The following RNF24 variants were observed in gnomAD, a reference collection of about 807,000 sequenced individuals.
RNF24 encodes ring finger protein 24.
In RNF24, 14 loss-of-function variants were observed where a neutral mutation model predicts 20.0. The observed-to-expected ratio is 0.70, with a 90% confidence interval of 0.46 to 1.10. The LOEUF is 1.10. Among genes scored for constraint, RNF24 ranks in the 50% least tolerant of loss-of-function variants. The probability of loss-of-function intolerance (pLI) is 0.00; values close to 1 mark genes in which losing one functional copy is unlikely to be tolerated. For synonymous variants in RNF24, 45 were observed against 61.1 expected (o/e 0.74, Z 1.23); for missense variants, 124 against 177.6 (o/e 0.70, Z 1.71).
At chr20:3,963,187 T>C (rs2091221428) in intron 2 of RNF24, among the ~76,000 whole-genome samples, 1 of 152,108 alleles carries the variant, frequency 6.6e-6, no homozygotes, top group South Asian at 2.1e-4. Flanking sequence ...GCATCCCCTA[T>C]GTTTCTTTAT....
At position 3,928,048 on chromosome 20, in the gene RNF24, A is replaced by G. The variant is rs565461618; in HGVS notation, c.*6015T>C. 69 of 152,242 alleles carry G rather than the reference A, an allele frequency of 4.5e-4. No homozygotes were observed. Among genetic ancestry groups the G allele is most frequent in the African/African-American group, 1.5e-3 (63 of 41,556 alleles). 9.4% of individuals were successfully genotyped at this position (152,242 alleles called of 1,614,324 possible). On this transcript the variant is annotated 3_prime_UTR_variant, in exon 6 of 6. Transcript: ENST00000358395. ...CAAATGGAAGCACACTCCCCAGCAC[A>G]TGGGGATCCCTTATTAATCTTTACT...
chr20:3,952,406 G>A (rs1436580258), intron 2 of RNF24, among the ~76,000 whole-genome samples: 1 of 151,858 alleles, frequency 6.6e-6, no homozygotes, highest in South Asian at 2.1e-4. Context: ...AGTAATTTTT[G>A]TATATTGATC....
chr20:3,939,242 C>A (rs1017403771), intron 4 of RNF24, among the ~76,000 whole-genome samples: 2 of 152,332 alleles, frequency 1.3e-5, no homozygotes, highest in African/African-American at 4.8e-5. Context: ...GAGCTTCCCC[C>A]TCAGCCCCCT....
chr20:3,937,913 T>C (rs1004361604), intron 4 of RNF24, among the ~76,000 whole-genome samples: 1 of 152,224 alleles, frequency 6.6e-6, no homozygotes. Flanking sequence ...AATACTGCTA[T>C]AAACACTGGT....
At chr20:3,960,671 C>A (rs1010405699) in intron 2 of RNF24, among the ~76,000 whole-genome samples, 4 of 151,784 alleles carry the variant, frequency 2.6e-5, no homozygotes, top group African/African-American at 9.7e-5. Flanking sequence ...TATCTCAAAA[C>A]AAAACAAAAC....
chr20:3,994,273 T>A (rs1245809163), intron 1 of RNF24, among the ~76,000 whole-genome samples: 1 of 152,096 alleles, frequency 6.6e-6, no homozygotes, highest in East Asian at 1.9e-4. Context: ...AGAAAATCAC[T>A]CTTTAAATAA....
At chr20:3,958,772 G>C (rs1000632055) in intron 2 of RNF24, among the ~76,000 whole-genome samples, 2 of 152,190 alleles carry the variant, frequency 1.3e-5, no homozygotes, top group Non-Finnish European at 2.9e-5. Context: ...CTCCTGAGTA[G>C]CTGGGATTAC....
At position 3,966,418 on chromosome 20, in the gene RNF24, C is replaced by T. The variant is rs952171518; in HGVS notation, c.-7-2394G>A. Among the ~76,000 whole-genome samples the T allele has an allele frequency of 1.0e-4, 15 of 147,410 alleles. 1 individual carries two copies. The East Asian group carries it at 2.8e-3, about 27-fold the overall frequency. On this transcript the variant is annotated intron_variant, in intron 1 of 5. Coordinates refer to ENST00000358395, the MANE Select transcript of RNF24 (RefSeq NM_001134337.3). ...TTCCTGAAAGGATAAAATGAGATAG[C>T]AGATAATGAAGTGTCTGAAAACTCA...
intron 1 of RNF24, among the ~76,000 whole-genome samples, chr20:3,984,778 A>G (rs1979736351): frequency 6.6e-6 from 1 of 151,912 alleles, no homozygotes; most frequent in Admixed American, 6.6e-5. Context: ...TTCAGAGGAT[A>G]ACTCTTCTTT....
At chr20:3,954,146 G>A (rs1253606442) in intron 2 of RNF24, among the ~76,000 whole-genome samples, 3 of 152,084 alleles carry the variant, frequency 2.0e-5, no homozygotes, top group Non-Finnish European at 2.9e-5. Context: ...GGTAAGTAGT[G>A]TACTCACAAT....
In RNF24 at chr20:3,999,989, T is replaced by C. The variant is rs73610124; in HGVS notation, c.-8+15448A>G. 1.7e-4 allele frequency among the ~76,000 whole-genome samples: 26 copies of C among 152,220 alleles called. No individual in the cohort carries two copies. In the East Asian group the frequency reaches 3.7e-3, roughly 21 times the overall value. ...AAATAGAAAGTAGATTGGTAGTTGC[T>C]TAGAGCAAGGGAAGGGGGAGGAGCG... is the stretch of plus-strand genomic sequence containing the variant. On this transcript the variant is annotated intron_variant, in intron 1 of 5. Transcript: ENST00000358395.
intron 1 of RNF24, among the ~76,000 whole-genome samples, chr20:3,982,721 T>C (rs1336173457): frequency 6.6e-6 from 1 of 152,020 alleles, no homozygotes; most frequent in Non-Finnish European, 1.5e-5. Context: ...ACCCTGTCTC[T>C]ACAAAATTAA....
rs58247319 is a variant in RNF24, at chr20:3,961,576, T to C, written c.143+2299A>G. Among the ~76,000 whole-genome samples, 907 of 152,270 alleles carry C rather than the reference T, an allele frequency of 6.0e-3. 8 individuals are homozygous for C. The highest frequency in any genetic ancestry group is 0.02 in the African/African-American group (843 of 41,562). On this transcript the variant is annotated intron_variant, in intron 2 of 5. Coordinates refer to ENST00000358395, the MANE Select transcript of RNF24 (RefSeq NM_001134337.3). ...AATTGGTACATTAGTGGGTTTTTGT[T>C]TGTTTAAAGTTAAAGGCTTACTTAA... is the stretch of plus-strand genomic sequence containing the variant.
In RNF24 at chr20:3,970,447, T is replaced by A. The variant is rs538424184; in HGVS notation, c.-7-6423A>T. ...CCAGGTTTCAACTAAAAATTACTCATCGTACCAAGACTAGGAAGATCACAA... is the reference window on the plus strand; with the variant it reads ...CCAGGTTTCAACTAAAAATTACTCAACGTACCAAGACTAGGAAGATCACAA... On this transcript the variant is annotated intron_variant, in intron 1 of 5. Transcript: ENST00000358395. 3.8e-3 allele frequency among the ~76,000 whole-genome samples: 574 copies of A among 152,236 alleles called. 6 individuals are homozygous for A. The highest frequency in any genetic ancestry group is 6.2e-3 in the Non-Finnish European group (421 of 68,016).
At chr20:3,940,254 G>A (rs1361440861) in intron 4 of RNF24, among the ~76,000 whole-genome samples, 2 of 151,962 alleles carry the variant, frequency 1.3e-5, no homozygotes, top group East Asian at 1.9e-4. Context: ...CACCATGTGC[G>A]GCTGAATGAA....
chr20:3,991,532 G>A (rs577019129), intron 1 of RNF24, among the ~76,000 whole-genome samples: 26 of 152,230 alleles, frequency 1.7e-4, no homozygotes, highest in African/African-American at 5.8e-4. Flanking sequence ...GATTACAGGC[G>A]TGAGCCACTG....
intron 3 of RNF24, among the ~76,000 whole-genome samples, chr20:3,946,431 G>C (rs561302531): frequency 6.6e-6 from 1 of 152,094 alleles, no homozygotes; most frequent in South Asian, 2.1e-4. Context: ...TCCAGCCTGC[G>C]TGACAGAAGC....
rs2090837995 is a variant in RNF24 at position 3,932,606 on chromosome 20, AG to A, written c.*1456del. The A allele has an allele frequency of 4.0e-6, 1 of 251,926 alleles. No homozygotes were observed. Among genetic ancestry groups the A allele is most frequent in the Non-Finnish European group, 7.4e-6 (1 of 134,278 alleles). The allele number at this position is 251,926 out of a possible 1,614,324, so 15.6% of individuals were successfully genotyped here. ...AGTCATGCCAAGAGCAGAGTAGCAA[AG>A]CTCCCTCCATCCATTCTCCATGTCA... On this transcript the variant is annotated 3_prime_UTR_variant, in exon 6 of 6. Coordinates refer to ENST00000358395, the MANE Select transcript of RNF24 (RefSeq NM_001134337.3).
At chr20:3,943,351 T>A (rs1002836683) in intron 4 of RNF24, among the ~76,000 whole-genome samples, 4 of 150,936 alleles carry the variant, frequency 2.7e-5, no homozygotes, top group African/African-American at 9.8e-5. Flanking sequence ...ACAATTTACA[T>A]GGAAGGGTCA....
Sources: allele counts gnomAD v4.1 joint callset (sites outside exome capture counted in the v4.1 genomes callset), GRCh38; gene constraint gnomAD v4.1.1; transcripts MANE v1.5; gene names NCBI Gene and HGNC (gene_info 2026-07-23, HGNC 2026-07-21).